Variants in ARHGEF28 observed in about 807,000 individuals in gnomAD.
The protein encoded by ARHGEF28 is Rho guanine nucleotide exchange factor 28.
A neutral mutation model predicts 206.6 loss-of-function variants in ARHGEF28; 152 were observed. The observed-to-expected ratio is 0.74, with a 90% confidence interval of 0.64 to 0.84. ARHGEF28 has a LOEUF of 0.84. Ranked by LOEUF, ARHGEF28 falls within the 40% of genes least tolerant of loss-of-function variation. ARHGEF28 has a pLI of 0.00. For synonymous variants in ARHGEF28, 763 were observed against 776.4 expected (o/e 0.98, Z 0.29); for missense variants, 2,028 against 2,073.2 (o/e 0.98, Z 0.42).
intron 2 of ARHGEF28, among the ~76,000 whole-genome samples, chr5:73,729,571 A>G (rs533507314): frequency 2.6e-5 from 4 of 152,152 alleles, no homozygotes; most frequent in African/African-American, 7.2e-5. Context: ...AGATGGCCAT[A>G]CTTTTGTTTG....
chr5:73,906,170 A>T (rs959986533), intron 33 of ARHGEF28, among the ~76,000 whole-genome samples: 5 of 152,190 alleles, frequency 3.3e-5, no homozygotes, highest in Non-Finnish European at 7.3e-5. Flanking sequence ...ATTTGAGTAT[A>T]TGACAGTGCT....
At chr5:73,654,295 T>C (rs1285575309) in intron 1 of ARHGEF28, among the ~76,000 whole-genome samples, 1 of 152,128 alleles carries the variant, frequency 6.6e-6, no homozygotes, top group African/African-American at 2.4e-5. Context: ...CAGAACCCCA[T>C]AAATGTCTGC....
intron 1 of ARHGEF28, among the ~76,000 whole-genome samples, chr5:73,683,213 T>A (rs1747219305): frequency 6.6e-6 from 1 of 152,152 alleles, no homozygotes; most frequent in African/African-American, 2.4e-5. Context: ...CAACATAAAA[T>A]TTACCATCTT....
intron 4 of ARHGEF28, among the ~76,000 whole-genome samples, chr5:73,756,782 G>A (rs1294712630): frequency 6.6e-6 from 1 of 152,112 alleles, no homozygotes; most frequent in Non-Finnish European, 1.5e-5. Flanking sequence ...ATTCTTCTGT[G>A]TCAGTTTTAA....
intron 2 of ARHGEF28, among the ~76,000 whole-genome samples, chr5:73,692,518 T>C (rs1044376694): frequency 1.3e-5 from 2 of 152,256 alleles, no homozygotes; most frequent in Admixed American, 1.3e-4. Flanking sequence ...CACTGTCTCC[T>C]GCTGTGTTTG....
intron 1 of ARHGEF28, among the ~76,000 whole-genome samples, chr5:73,669,238 A>G (rs1746157418): frequency 6.6e-6 from 1 of 152,250 alleles, no homozygotes; most frequent in Non-Finnish European, 1.5e-5. Context: ...AAATGTTTTC[A>G]GTAGTAGCAA....
chr5:73,853,362 T>A (rs1758820518), intron 14 of ARHGEF28, among the ~76,000 whole-genome samples: 1 of 152,234 alleles, frequency 6.6e-6, no homozygotes, highest in Non-Finnish European at 1.5e-5. Flanking sequence ...AGTGCCAGAA[T>A]GGCACACATG....
At chr5:73,927,071 G>A (rs1019942133) in intron 35 of ARHGEF28, among the ~76,000 whole-genome samples, 1 of 152,098 alleles carries the variant, frequency 6.6e-6, no homozygotes, top group Non-Finnish European at 1.5e-5. Context: ...AAAGGCAGCT[G>A]CTTTCTTGGC....
At chr5:73,898,822 G>A (rs1762105968) in intron 30 of ARHGEF28, 1 of 152,178 alleles carries the variant, frequency 6.6e-6, no homozygotes, top group Admixed American at 6.5e-5. Context: ...AGGTTTCTAA[G>A]ATAAGAGCAT....
chr5:73,891,341 T>TC (rs1761616519), intron 26 of ARHGEF28, among the ~76,000 whole-genome samples: 4 of 152,252 alleles, frequency 2.6e-5, no homozygotes, highest in Admixed American at 2.6e-4. Context: ...TTCTGTTCCG[T>TC]CACCTTATTG....
intron 2 of ARHGEF28, 113 bp from the exon 3 acceptor site, chr5:73,749,724 A>T: frequency 8.6e-7 from 1 of 1,165,722 alleles, no homozygotes; most frequent in Non-Finnish European, 1.2e-6. Flanking sequence ...GAACTCAACC[A>T]CATGAAGTGA....
intron 4 of ARHGEF28, among the ~76,000 whole-genome samples, chr5:73,768,065 A>G (rs1480126597): frequency 1.3e-5 from 2 of 152,212 alleles, no homozygotes; most frequent in African/African-American, 4.8e-5. Flanking sequence ...GCAAGTGCAC[A>G]GAAGTCAAGA....
intron 1 of ARHGEF28, among the ~76,000 whole-genome samples, chr5:73,654,024 G>A (rs933478762): frequency 3.9e-5 from 6 of 152,142 alleles, no homozygotes; most frequent in African/African-American, 1.4e-4. Context: ...TAGACTTTTT[G>A]GTGTCTAAAT....
rs747244692 is a variant in ARHGEF28, at chr5:73,901,263, C to T, written c.4053C>T (p.Ala1351=). ...PGIQGVVTDL[A]VSDAGEKVEC... ...TCCAGGGTGTGGTAACCGACTTGGCCGTCTCTGATGCAGGGGAGAAGGTAT... is the reference window on the plus strand; with the variant it reads ...TCCAGGGTGTGGTAACCGACTTGGCTGTCTCTGATGCAGGGGAGAAGGTAT... Residue 1351 remains alanine, a synonymous_variant, in exon 31 of 36, where the codon GCC becomes GCT. Coordinates refer to ENST00000513042, the MANE Select transcript of ARHGEF28 (RefSeq NM_001177693.2). 27 of 1,613,004 alleles carry T rather than the reference C, an allele frequency of 1.7e-5. No individual in the cohort carries two copies. The highest frequency in any genetic ancestry group is 6.7e-5 in the East Asian group (3 of 44,824).
intron 2 of ARHGEF28, among the ~76,000 whole-genome samples, chr5:73,737,224 A>T (rs1252468183): frequency 6.6e-6 from 1 of 151,994 alleles, no homozygotes; most frequent in Admixed American, 6.5e-5. Flanking sequence ...TCCTTTTTAC[A>T]AAAGTGTTTC....
In ARHGEF28 at chr5:73,773,987, T is replaced by C. The variant is rs1753396763; in HGVS notation, c.608T>C (p.Leu203Ser). The C allele has an allele frequency of 6.2e-7, 1 of 1,606,608 alleles. No homozygotes were observed. Among genetic ancestry groups the C allele is most frequent in the Non-Finnish European group, 8.5e-7 (1 of 1,176,336 alleles). ...ALPNEEGATPLDLALREGHSK... is the reference protein window; with the variant it reads ...ALPNEEGATPSDLALREGHSK... ...CCCAACGAAGAGGGTGCCACACCAT[T>C]AGACTTAGCTTTACGTGAAGGACAC... Residue 203 changes from leucine to serine, a missense_variant, in exon 5 of 36, where the codon TTA becomes TCA. Around this residue, in one of 3 missense-constraint regions of ARHGEF28, gnomAD observed 1,002 missense variants for 1,015.3 expected, o/e 0.99. Coordinates refer to ENST00000513042, the MANE Select transcript of ARHGEF28 (RefSeq NM_001177693.2).
At chr5:73,937,568 T>C (rs1236489517) in intron 35 of ARHGEF28, among the ~76,000 whole-genome samples, 1 of 152,256 alleles carries the variant, frequency 6.6e-6, no homozygotes, top group East Asian at 1.9e-4. Context: ...GTTTGAGTTT[T>C]GTTTCATTAT....
chr5:73,806,379 TAG>T (rs1233551435), intron 9 of ARHGEF28, among the ~76,000 whole-genome samples: 10 of 28,592 alleles, frequency 3.5e-4, no homozygotes, highest in African/African-American at 3.6e-4. Flanking sequence ...ATACTATATA[TAG>T]ATATATAGAT....
intron 35 of ARHGEF28, among the ~76,000 whole-genome samples, chr5:73,934,468 T>A (rs1370014573): frequency 6.6e-6 from 1 of 152,232 alleles, no homozygotes; most frequent in Non-Finnish European, 1.5e-5. Flanking sequence ...TAATAGCCAT[T>A]GATAATTATT....
Sources: allele counts gnomAD v4.1 joint callset (sites outside exome capture counted in the v4.1 genomes callset), GRCh38; gene constraint gnomAD v4.1.1; regional missense constraint gnomAD v4.1.1; transcripts MANE v1.5; gene names NCBI Gene and HGNC (gene_info 2026-07-23, HGNC 2026-07-21).